Variants in AXIN1 observed in about 807,000 individuals in gnomAD.
AXIN1 encodes the protein axin 1.
A neutral mutation model predicts 76.4 loss-of-function variants in AXIN1; 30 were observed. That is an observed-to-expected ratio of 0.39 (90% CI 0.29 to 0.53). AXIN1 has a LOEUF of 0.53. Ranked by LOEUF, AXIN1 falls within the 20% of genes least tolerant of loss-of-function variation. The probability of loss-of-function intolerance (pLI) is 0.66; values close to 1 mark genes in which losing one functional copy is unlikely to be tolerated. For missense variants in AXIN1, 1,140 were observed against 1,198.8 expected (o/e 0.95, Z 0.72); for synonymous variants, 545 against 501.4 (o/e 1.09, Z -1.16).
chr16:311,313 C>A (rs571344066), intron 3 of AXIN1, among the ~76,000 whole-genome samples: 75 of 151,794 alleles, frequency 4.9e-4, no homozygotes, highest in African/African-American at 1.7e-3. Context: ...TACAGGCATG[C>A]GCCACCGCGC....
chr16:291,342 A>G (rs1475503638), intron 8 of AXIN1, 45 bp from the exon 9 acceptor site: 1 of 1,492,068 alleles, frequency 6.7e-7, no homozygotes, highest in Non-Finnish European at 9.1e-7. Flanking sequence ...GGCGGCCACC[A>G]GCCCTGGGGA....
At chr16:335,857 A>G (rs537474087) in intron 2 of AXIN1, among the ~76,000 whole-genome samples, 19 of 152,374 alleles carry the variant, frequency 1.2e-4, no homozygotes, top group African/African-American at 4.6e-4. Context: ...AGAATATGGG[A>G]AGATTTAAGT....
rs569298843 is a variant in AXIN1, at chr16:297,940, C to A, written c.1566G>T (p.Ala522=). 8.7e-6 allele frequency: 14 copies of A among 1,601,630 alleles called. No individual in the cohort carries two copies. Among genetic ancestry groups the A allele is most frequent in the South Asian group, 6.6e-5 (6 of 90,770 alleles). The part of the protein sequence containing the change: ...GHGKHVPKSG[A]KLDAAGLHHH... ...GGTGCAGGCCGGCCGCGTCCAGCTTCGCCCCTGACTTGGGTACGTGCTTCC... is the reference window on the plus strand; with the variant it reads ...GGTGCAGGCCGGCCGCGTCCAGCTTAGCCCCTGACTTGGGTACGTGCTTCC... The change falls in exon 6 of 11, where the codon GCG becomes GCT. Residue 522 remains alanine, a synonymous_variant. Coordinates refer to ENST00000262320, the MANE Select transcript of AXIN1 (RefSeq NM_003502.4).
At chr16:310,907 G>T (rs2053160006) in intron 3 of AXIN1, among the ~76,000 whole-genome samples, 1 of 152,252 alleles carries the variant, frequency 6.6e-6, no homozygotes, top group Non-Finnish European at 1.5e-5. Flanking sequence ...TGGGCAGCCA[G>T]GACAACCAGT....
intron 3 of AXIN1, among the ~76,000 whole-genome samples, chr16:313,067 C>G (rs1261633664): frequency 6.6e-6 from 1 of 152,148 alleles, no homozygotes; most frequent in African/African-American, 2.4e-5. Context: ...AATCCCAGCA[C>G]TCATGAGGCT....
intron 8 of AXIN1, chr16:292,394 G>A (rs1196583489): frequency 2.0e-5 from 3 of 152,272 alleles, no homozygotes; most frequent in Non-Finnish European, 2.9e-5. Context: ...CTCACAGCCT[G>A]GCAGAAGCTC....
chr16:314,674 G>C lies in AXIN1; in HGVS notation c.888C>G (p.Ser296=), dbSNP rs2053260133. 1.2e-6 allele frequency: 2 copies of C among 1,613,708 alleles called. No homozygotes were observed. The highest frequency in any genetic ancestry group is 1.7e-6 in the Non-Finnish European group (2 of 1,180,046). The change falls in exon 3 of 11, where the codon TCC becomes TCG. Residue 296 remains serine, a synonymous_variant. Coordinates refer to ENST00000262320, the MANE Select transcript of AXIN1 (RefSeq NM_003502.4). ...YSEGREFRYG[S]WREPVNPYYV... ...AATAGGGGTTGACTGGCTCCCGCCA[G>C]GATCCATACCTGCAAACAGGCAAGC...
chr16:309,070 C>T (rs2053102823), intron 4 of AXIN1, among the ~76,000 whole-genome samples: 2 of 152,166 alleles, frequency 1.3e-5, no homozygotes, highest in African/African-American at 4.8e-5. Flanking sequence ...GTGGCTCACA[C>T]CTGTAATCCC....
intron 2 of AXIN1, among the ~76,000 whole-genome samples, chr16:324,839 G>A (rs1288372018): frequency 6.6e-6 from 1 of 152,198 alleles, no homozygotes; most frequent in Non-Finnish European, 1.5e-5. Context: ...GCCCTTCCCA[G>A]GCCCAGCCCC....
chr16:291,322 T>A (rs2141476963), intron 8 of AXIN1, 25 bp from the exon 9 acceptor site: 1 of 1,550,530 alleles, frequency 6.4e-7, no homozygotes, highest in Non-Finnish European at 8.7e-7. Flanking sequence ...GCGTCAAAGG[T>A]GGCTGTGCCG....
chr16:308,103 A>G (rs1396751391), intron 4 of AXIN1, among the ~76,000 whole-genome samples: 1 of 152,136 alleles, frequency 6.6e-6, no homozygotes, highest in Non-Finnish European at 1.5e-5. Context: ...CCACCACACA[A>G]GGGCCCTCTG....
chr16:334,495 C>T (rs2053762216), intron 2 of AXIN1, among the ~76,000 whole-genome samples: 3 of 151,228 alleles, frequency 2.0e-5, no homozygotes, highest in Admixed American at 1.3e-4. Flanking sequence ...AATTACACAG[C>T]ACCCAGTACC....
At chr16:294,075 G>C (rs1452987780) in intron 7 of AXIN1, among the ~76,000 whole-genome samples, 1 of 152,170 alleles carries the variant, frequency 6.6e-6, no homozygotes, top group African/African-American at 2.4e-5. Context: ...GCCCGAGAAT[G>C]GCTGGAACTG....
intron 2 of AXIN1, among the ~76,000 whole-genome samples, chr16:333,872 C>T (rs2053744202): frequency 6.7e-6 from 1 of 150,296 alleles, no homozygotes; most frequent in Admixed American, 6.6e-5. Context: ...GCACCCAATA[C>T]CACAGCACAC....
intron 4 of AXIN1, among the ~76,000 whole-genome samples, chr16:306,509 T>G (rs1325112109): frequency 3.3e-5 from 5 of 152,180 alleles, no homozygotes; most frequent in African/African-American, 1.2e-4. Context: ...CGCCGTGGGC[T>G]CTGGCGCAGT....
intron 3 of AXIN1, among the ~76,000 whole-genome samples, chr16:312,805 C>T (rs2053212913): frequency 6.6e-6 from 1 of 152,260 alleles, no homozygotes; most frequent in African/African-American, 2.4e-5. Context: ...TGTGGGCTGG[C>T]TGAATCTGGT....
intron 5 of AXIN1, chr16:299,188 C>T: frequency 1.0e-6 from 1 of 985,432 alleles, no homozygotes; most frequent in Non-Finnish European, 1.2e-6. Context: ...TCCAAGTTAA[C>T]AGGTGCTGAA....
chr16:320,833 G>GGGTACAACCTCTGCCTCCCA (rs2053434964), intron 2 of AXIN1, among the ~76,000 whole-genome samples: 1 of 148,860 alleles, frequency 6.7e-6, no homozygotes, highest in South Asian at 2.1e-4. Context: ...TCCGCCTCCT[G>GGGTACAACCTCTGCCTCCCA]GGTTCAATCG....
chr16:307,341 G>C (rs988885837), intron 4 of AXIN1, among the ~76,000 whole-genome samples: 1 of 152,196 alleles, frequency 6.6e-6, no homozygotes, highest in African/African-American at 2.4e-5. Flanking sequence ...CAGATTTACA[G>C]AGAATGGCAA....
Sources: gnomAD v4.1 joint callset for allele counts (sites outside exome capture counted in the v4.1 genomes callset) on GRCh38, gnomAD v4.1.1 for gene constraint, MANE v1.5 for transcripts, NCBI Gene and HGNC (gene_info 2026-07-23, HGNC 2026-07-21) for gene names.